The following UGCG variants were observed in gnomAD, a reference collection of about 807,000 sequenced individuals.
UGCG encodes the protein UDP-glucose ceramide glucosyltransferase.
Under a neutral mutation model 49.5 loss-of-function variants are expected in UGCG, and 10 were observed. The ratio of observed to expected loss-of-function variants is 0.20; its 90% CI spans 0.12 to 0.34. UGCG has a LOEUF of 0.34. UGCG is among the 10% of genes least tolerant of loss of function. The pLI is 1.00. For synonymous variants in UGCG, 182 were observed against 158.2 expected (o/e 1.15, Z -1.13); for missense variants, 312 against 483.7 (o/e 0.65, Z 3.33).
intron 1 of UGCG, among the ~76,000 whole-genome samples, chr9:111,898,451 G>GT (rs1023896170): frequency 1.3e-5 from 2 of 150,502 alleles, no homozygotes; most frequent in Admixed American, 1.3e-4. Flanking sequence ...TGGAAACACT[G>GT]TATTTTATTA....
intron 3 of UGCG, among the ~76,000 whole-genome samples, chr9:111,923,407 ACC>A (rs1838261368): frequency 6.6e-6 from 1 of 151,956 alleles, no homozygotes; most frequent in Non-Finnish European, 1.5e-5. Context: ...TCTCTAAAAA[ACC>A]AGTAAGTCGT....
intron 1 of UGCG, among the ~76,000 whole-genome samples, chr9:111,900,933 C>T (rs973174881): frequency 5.3e-5 from 8 of 152,052 alleles, no homozygotes; most frequent in African/African-American, 1.7e-4. Flanking sequence ...CACGGCTTCA[C>T]ATCCCAGGCT....
chr9:111,923,675 C>T (rs550015092), intron 3 of UGCG, among the ~76,000 whole-genome samples: 20 of 151,964 alleles, frequency 1.3e-4, no homozygotes, highest in African/African-American at 4.6e-4. Context: ...TCTTATCACC[C>T]GGGCTGGAGT....
At chr9:111,908,135 C>T (rs1022866188) in intron 1 of UGCG, among the ~76,000 whole-genome samples, 7 of 151,962 alleles carry the variant, frequency 4.6e-5, no homozygotes, top group South Asian at 4.1e-4. Context: ...AGTACTAGTG[C>T]GAGGACAGAG....
Position 111,914,710 on chromosome 9 carries a change from C to T in UGCG, c.204C>T (p.Asn68=), listed in dbSNP as rs1403846097. ...PLKGVDPNLI[N]NLETFFELDY... ...AAGGGGTAGATCCTAACTTAATCAA[C>T]AACCTGGAAACATTCTTTGAATTGG... Residue 68 remains asparagine, a synonymous_variant, in exon 2 of 9, where the codon AAC becomes AAT. Coordinates refer to ENST00000374279, the MANE Select transcript of UGCG (RefSeq NM_003358.3). 1 of 1,614,064 alleles carries T rather than the reference C, an allele frequency of 6.2e-7. No homozygotes were observed. The highest frequency in any genetic ancestry group is 8.5e-7 in the Non-Finnish European group (1 of 1,179,972).
intron 1 of UGCG, among the ~76,000 whole-genome samples, chr9:111,910,709 C>T (rs1425396759): frequency 2.0e-5 from 3 of 152,172 alleles, no homozygotes; most frequent in African/African-American, 7.2e-5. Flanking sequence ...CCCAAACCCA[C>T]GTGGTGAGGT....
chr9:111,925,557 T>C (rs546623240), intron 4 of UGCG, among the ~76,000 whole-genome samples: 5 of 152,354 alleles, frequency 3.3e-5, no homozygotes, highest in South Asian at 2.1e-4. Context: ...AGCAAAAATA[T>C]CTTCAGATGT....
chr9:111,929,803 A>G (rs985305542), intron 6 of UGCG, 125 bp downstream of exon 6: 15 of 1,067,090 alleles, frequency 1.4e-5, no homozygotes, highest in Non-Finnish European at 9.2e-6. Flanking sequence ...TAAGTACAGA[A>G]TAGGTCAATA....
intron 1 of UGCG, among the ~76,000 whole-genome samples, chr9:111,897,646 T>C (rs1330234596): frequency 2.6e-5 from 4 of 152,066 alleles, no homozygotes; most frequent in Non-Finnish European, 4.4e-5. Flanking sequence ...GGCCGAGATG[T>C]ATGGTGTATT....
At chr9:111,911,905 G>GATATATAT (rs200468304) in intron 1 of UGCG, among the ~76,000 whole-genome samples, 1 of 79,090 alleles carries the variant, frequency 1.3e-5, no homozygotes, top group Non-Finnish European at 2.5e-5. Flanking sequence ...TATTCAACAG[G>GATATATAT]ATATATATAT....
Position 111,899,544 on chromosome 9 carries a change from C to T in UGCG, c.98+2231C>T, listed in dbSNP as rs146456523. ...CTGTCACATGTAGCATTCTTTTCCCCAGTCTGTTTTTTGTCTTTTAACTTT... is the reference window on the plus strand; with the variant it reads ...CTGTCACATGTAGCATTCTTTTCCCTAGTCTGTTTTTTGTCTTTTAACTTT... On this transcript the variant is annotated intron_variant, in intron 1 of 8. Coordinates refer to ENST00000374279, the MANE Select transcript of UGCG (RefSeq NM_003358.3). Among the ~76,000 whole-genome samples, 1,470 of 152,248 alleles carry T rather than the reference C, an allele frequency of 9.7e-3. 26 individuals are homozygous for T. The highest frequency in any genetic ancestry group is 0.033 in the African/African-American group (1,351 of 41,554).
At chr9:111,899,747 C>T (rs1407824814) in intron 1 of UGCG, among the ~76,000 whole-genome samples, 2 of 152,036 alleles carry the variant, frequency 1.3e-5, no homozygotes, top group East Asian at 3.9e-4. Context: ...AATTTTTTCA[C>T]ATATTACCCT....
At chr9:111,927,407 A>G (rs1216610933) in intron 5 of UGCG, among the ~76,000 whole-genome samples, 1 of 152,052 alleles carries the variant, frequency 6.6e-6, no homozygotes, top group Non-Finnish European at 1.5e-5. Context: ...CCAACAACCT[A>G]GAACCCTAAC....
At chr9:111,912,687 G>A (rs1838035278) in intron 1 of UGCG, among the ~76,000 whole-genome samples, 2 of 152,042 alleles carry the variant, frequency 1.3e-5, no homozygotes, top group Admixed American at 1.3e-4. Flanking sequence ...ATGTTAAATT[G>A]CTATACAAGT....
At chr9:111,931,390 A>G (rs1331167638) in intron 7 of UGCG, 33 bp downstream of exon 7, 1 of 1,603,370 alleles carries the variant, frequency 6.2e-7, no homozygotes, top group Non-Finnish European at 8.5e-7. Flanking sequence ...ATACTTCGTT[A>G]AAAGGAAAGT....
intron 1 of UGCG, among the ~76,000 whole-genome samples, chr9:111,900,737 AC>A (rs1434906995): frequency 6.6e-6 from 1 of 151,852 alleles, no homozygotes; most frequent in African/African-American, 2.4e-5. Flanking sequence ...TAAGTGATCT[AC>A]CTGTCTTGGC....
At position 111,934,864 on chromosome 9, in the gene UGCG, T is replaced by A. The variant is rs1589532697; in HGVS notation, c.*1867T>A. On this transcript the variant is annotated 3_prime_UTR_variant, in exon 9 of 9. Coordinates refer to ENST00000374279, the MANE Select transcript of UGCG (RefSeq NM_003358.3). The stretch of plus-strand genomic sequence containing the variant: ...GTTGCACAGTGAAAACCAGTCTGGT[T>A]GTGACCCACTACATGTTTTGTTTTT... 6.6e-6 allele frequency: 1 copy of A among 152,200 alleles called. No individual in the cohort carries two copies. Among genetic ancestry groups the A allele is most frequent in the East Asian group, 1.9e-4 (1 of 5,204 alleles). 9.4% of individuals were successfully genotyped at this position (152,200 alleles called of 1,614,324 possible).
chr9:111,932,696 A>T, intron 8 of UGCG, 131 bp from the exon 9 acceptor site: 1 of 852,858 alleles, frequency 1.2e-6, no homozygotes, highest in Non-Finnish European at 1.8e-6. Flanking sequence ...CATGGCAGTT[A>T]AATTACATAA....
chr9:111,917,378 G>A (rs908657869), intron 2 of UGCG, among the ~76,000 whole-genome samples: 3 of 152,148 alleles, frequency 2.0e-5, no homozygotes, highest in East Asian at 1.9e-4. Flanking sequence ...CTGAAATCAC[G>A]CATATCTGAG....
Sources: gnomAD v4.1 joint callset for allele counts (sites outside exome capture counted in the v4.1 genomes callset) on GRCh38, gnomAD v4.1.1 for gene constraint, MANE v1.5 for transcripts, NCBI Gene and HGNC (gene_info 2026-07-23, HGNC 2026-07-21) for gene names.